SEC31A: variants seen among roughly 807,000 people sequenced by gnomAD.
The protein encoded by SEC31A is SEC31 homolog A, COPII component.
In SEC31A, 70 loss-of-function variants were observed where a neutral mutation model predicts 151.0. That is an observed-to-expected ratio of 0.46 (90% confidence interval 0.38 to 0.57). The LOEUF is 0.57. Among genes scored for constraint, SEC31A ranks in the 20% least tolerant of loss-of-function variants. The pLI is 0.00. For missense variants in SEC31A, 1,330 were observed against 1,471.2 expected (o/e 0.90, Z 1.57); for synonymous variants, 475 against 505.9 (o/e 0.94, Z 0.82).
At chr4:82,872,146 C>A (rs546598041) in intron 6 of SEC31A, 60 bp from the exon 7 acceptor site, 41 of 1,233,842 alleles carry the variant, frequency 3.3e-5, no homozygotes, top group Admixed American at 1.6e-4. Flanking sequence ...AGCCAAACTA[C>A]AACGAGAAAT....
chr4:82,858,910 C>T (rs1039284295), intron 14 of SEC31A, among the ~76,000 whole-genome samples: 3 of 151,898 alleles, frequency 2.0e-5, no homozygotes, highest in Non-Finnish European at 4.4e-5. Context: ...ACTGTGTTAG[C>T]CAGGATGGTC....
Position 82,900,332 on chromosome 4 carries a change from A to C in SEC31A, c.-174+2T>G, listed in dbSNP as rs1192741766. 4 of 184,978 alleles carry C rather than the reference A, an allele frequency of 2.2e-5. No individual in the cohort carries two copies. Among genetic ancestry groups the C allele is most frequent in the Non-Finnish European group, 4.6e-5 (4 of 87,886 alleles). 11.5% of individuals were successfully genotyped at this position (184,978 alleles called of 1,614,324 possible). A position where few individuals can be genotyped will look rare whatever the true frequency, so the allele number is the denominator to read the frequency against. On this transcript the variant is annotated splice_donor_variant, in intron 1 of 28. Coordinates refer to the SEC31A transcript ENST00000355196. LOFTEE classifies it low-confidence loss of function (5UTR_SPLICE). ...GCACCGTGTTTTATCCCTCTTCCAT[A>C]CCCTTTCCTCCCGATATCCTCCAGT... is the stretch of plus-strand genomic sequence containing the variant.
Position 82,819,006 on chromosome 4 carries a change from T to G in SEC31A, c.*68A>C. ...TGCTAATGAGGACTAGTCCATGTCT[T>G]ATAATTTTTTTTTTTAACATGTTTC... is the stretch of plus-strand genomic sequence containing the variant. On this transcript the variant is annotated 3_prime_UTR_variant, in exon 27 of 27. Coordinates refer to ENST00000395310, the MANE Select transcript of SEC31A (RefSeq NM_001077207.4). The G allele has an allele frequency of 7.3e-7, 1 of 1,378,646 alleles. No homozygotes were observed. The allele number at this position is 1,378,646 out of a possible 1,614,324, so 85.4% of individuals were successfully genotyped here. A position where few individuals can be genotyped will look rare whatever the true frequency, so the allele number is the denominator to read the frequency against.
chr4:82,844,403 G>T lies in SEC31A; in HGVS notation c.2609C>A (p.Pro870His), dbSNP rs749306790. 3.1e-6 allele frequency: 5 copies of T among 1,614,020 alleles called. No individual in the cohort carries two copies. Among genetic ancestry groups the T allele is most frequent in the Non-Finnish European group, 4.2e-6 (5 of 1,180,010 alleles). Residue 870 changes from proline to histidine, a missense_variant, in exon 21 of 27, where the codon CCT becomes CAT. Pro to His is a moderately conservative substitution (Grantham distance 77). Coordinates refer to ENST00000395310, the MANE Select transcript of SEC31A (RefSeq NM_001077207.4). The stretch of plus-strand genomic sequence containing the variant: ...CTACTTACGCTGTGGCTGTGGATAA[G>T]GTGGTACCTGGGTGTGCATATGACC... ...SPGHMHTQVP[P>H]YPQPQPYQPA...
chr4:82,855,169 T>G, intron 16 of SEC31A, 140 bp from the exon 17 acceptor site: 6 of 688,304 alleles, frequency 8.7e-6, no homozygotes, highest in Admixed American at 3.4e-5. Flanking sequence ...AATGACATAA[T>G]AATGGTATTA....
intron 5 of SEC31A, among the ~76,000 whole-genome samples, chr4:82,875,307 A>G (rs1469141554): frequency 6.6e-6 from 1 of 152,202 alleles, no homozygotes; most frequent in African/African-American, 2.4e-5. Context: ...GAAATACACA[A>G]GCAAAGGGCT....
At chr4:82,896,195 G>A (rs1720052663), upstream of SEC31A, among the ~76,000 whole-genome samples, 1 of 152,192 alleles carries the variant, frequency 6.6e-6, no homozygotes, top group African/African-American at 2.4e-5. Flanking sequence ...GGGTTATTAT[G>A]AGAAATAAAT....
At chr4:82,873,683 A>G (rs538712844) in intron 6 of SEC31A, among the ~76,000 whole-genome samples, 2 of 152,290 alleles carry the variant, frequency 1.3e-5, no homozygotes, top group South Asian at 4.1e-4. Flanking sequence ...TTTAAACTAC[A>G]TATGTATGCC....
intron 20 of SEC31A, among the ~76,000 whole-genome samples, chr4:82,848,124 T>C (rs1014117929): frequency 6.6e-6 from 1 of 152,160 alleles, no homozygotes; most frequent in African/African-American, 2.4e-5. Context: ...TTTAAGTACA[T>C]GAAGGTTATC....
intron 4 of SEC31A, 100 bp from the exon 5 acceptor site, chr4:82,875,922 A>G (rs1362658783): frequency 1.9e-6 from 1 of 530,386 alleles, no homozygotes; most frequent in African/African-American, 2.0e-5. Flanking sequence ...TAGCATACAC[A>G]ATTTTTCTAT....
intron 4 of SEC31A, among the ~76,000 whole-genome samples, chr4:82,876,477 G>A (rs777573944): frequency 1.3e-5 from 2 of 152,162 alleles, no homozygotes; most frequent in African/African-American, 2.4e-5. Flanking sequence ...TCTCTGGAAG[G>A]AGATTTAATT....
chr4:82,869,109 T>C (rs1237110296), intron 8 of SEC31A, among the ~76,000 whole-genome samples: 1 of 151,958 alleles, frequency 6.6e-6, no homozygotes, highest in African/African-American at 2.4e-5. Flanking sequence ...TTGAACAAAT[T>C]CCAATTTTTA....
chr4:82,860,560 C>T (rs1016801747), intron 14 of SEC31A, among the ~76,000 whole-genome samples: 2 of 152,148 alleles, frequency 1.3e-5, no homozygotes, highest in African/African-American at 2.4e-5. Flanking sequence ...ACTCCAACCA[C>T]GAACTCTTGG....
intron 9 of SEC31A, 38 bp downstream of exon 9, chr4:82,867,117 C>G (rs1461963377): frequency 6.3e-7 from 1 of 1,577,410 alleles, no homozygotes; most frequent in Non-Finnish European, 8.7e-7. Context: ...ATACTTTTTT[C>G]AGGCATTATA....
intron 22 of SEC31A, among the ~76,000 whole-genome samples, chr4:82,837,742 G>A (rs1464139628): frequency 2.0e-5 from 3 of 152,206 alleles, no homozygotes; most frequent in African/African-American, 7.2e-5. Context: ...ATCACTGGGG[G>A]AAGGAAGAGG....
chr4:82,891,345 G>A, upstream of SEC31A: 3 of 670,350 alleles, frequency 4.5e-6, no homozygotes, highest in Non-Finnish European at 5.0e-6. Flanking sequence ...CCGCTGGTTG[G>A]TGGCGCTCTG....
chr4:82,895,297 A>G (rs566656219), upstream of SEC31A: 2 of 152,234 alleles, frequency 1.3e-5, no homozygotes, highest in South Asian at 2.1e-4. Context: ...ATGGCAAAAC[A>G]TGGTCTCTAC....
rs777947451 is a variant in SEC31A, at chr4:82,872,055, T to C, written c.671A>G (p.Asp224Gly). The C allele has an allele frequency of 6.2e-7, 1 of 1,614,052 alleles. No homozygotes were observed. Among genetic ancestry groups the C allele is most frequent in the South Asian group, 1.1e-5 (1 of 91,074 alleles). ...GGCAAGGACCATCTGAGTAGCAACA[T>C]CAGGATGCCATGCCAACCCAGAACA... The part of the protein sequence containing the change: ...MHCSGLAWHP[D>G]VATQMVLASE... The change falls in exon 7 of 27, where the codon GAT becomes GGT. Residue 224 changes from aspartate (D) to glycine (G), a missense_variant. Coordinates refer to ENST00000395310, the MANE Select transcript of SEC31A (RefSeq NM_001077207.4).
At position 82,848,913 on chromosome 4, in the gene SEC31A, TCATGTCCTGCTA is replaced by T; in HGVS notation, c.2381_2392del (p.Val794_His797del). 1 of 1,614,150 alleles carries T rather than the reference TCATGTCCTGCTA, an allele frequency of 6.2e-7. No homozygotes were observed. The highest frequency in any genetic ancestry group is 8.5e-7 in the Non-Finnish European group (1 of 1,180,016). ...TTTCTCGTACGGAATTTTAGGTGAT[TCATGTCCTGCTA>T]CAGGCTCTCCTTGTGCTCTACAAAG... is the stretch of plus-strand genomic sequence containing the variant. On this transcript the variant is annotated inframe_deletion, in exon 20 of 27. Coordinates refer to ENST00000395310, the MANE Select transcript of SEC31A (RefSeq NM_001077207.4).
Sources: allele counts gnomAD v4.1 joint callset (sites outside exome capture counted in the v4.1 genomes callset), GRCh38; gene constraint gnomAD v4.1.1; transcripts MANE v1.5; gene names NCBI Gene and HGNC (gene_info 2026-07-23, HGNC 2026-07-21).